The following CTNND2 variants were observed in gnomAD, a reference collection of about 807,000 sequenced individuals.
CTNND2 encodes the protein catenin delta 2.
CTNND2 carries 22 observed loss-of-function variants against 144.4 expected under a neutral mutation model. The ratio of observed to expected loss-of-function variants is 0.15; its 90% CI spans 0.11 to 0.22. The LOEUF (loss-of-function observed/expected upper bound fraction) is 0.22, where lower values mean the gene tolerates loss of function less well. Among genes scored for constraint, CTNND2 ranks in the 10% least tolerant of loss-of-function variants. CTNND2 has a pLI of 1.00. For missense variants in CTNND2, 1,353 were observed against 1,618.8 expected, an observed-to-expected ratio of 0.84 and a Z score of 2.82; for synonymous variants, 751 against 695.6, an observed-to-expected ratio of 1.08 and a Z score of -1.25.
intron 15 of CTNND2, among the ~76,000 whole-genome samples, chr5:11,095,439 T>C (rs1222783380): frequency 3.9e-5 from 6 of 152,368 alleles, no homozygotes; most frequent in South Asian, 2.1e-4. Context: ...TGGAACATAA[T>C]ATGTGCTACC....
intron 16 of CTNND2, among the ~76,000 whole-genome samples, chr5:11,060,520 T>G (rs1355099223): frequency 6.6e-6 from 1 of 151,664 alleles, no homozygotes; most frequent in East Asian, 1.9e-4. Flanking sequence ...AACACGAGAG[T>G]CTAGACTCGT....
intron 2 of CTNND2, among the ~76,000 whole-genome samples, chr5:11,589,360 C>G (rs1389103391): frequency 6.6e-6 from 1 of 151,822 alleles, no homozygotes; most frequent in Non-Finnish European, 1.5e-5. Context: ...TTATCAAACT[C>G]AAAATAGACT....
At chr5:11,352,661 A>T (rs1755445394) in intron 8 of CTNND2, among the ~76,000 whole-genome samples, 1 of 152,216 alleles carries the variant, frequency 6.6e-6, no homozygotes, top group African/African-American at 2.4e-5. Flanking sequence ...AACCAATAGC[A>T]TTGTAATGAG....
intron 3 of CTNND2, among the ~76,000 whole-genome samples, chr5:11,446,060 C>T (rs1764772852): frequency 6.6e-6 from 1 of 152,194 alleles, no homozygotes; most frequent in Admixed American, 6.5e-5. Flanking sequence ...CAGCCTTCGC[C>T]TCCAGGGTTC....
intron 2 of CTNND2, among the ~76,000 whole-genome samples, chr5:11,670,755 G>T (rs952286242): frequency 1.3e-5 from 2 of 152,002 alleles, no homozygotes; most frequent in Non-Finnish European, 2.9e-5. Flanking sequence ...CTTTAAATTG[G>T]GGGCATTTAT....
chr5:11,263,636 G>A (rs745482454), intron 9 of CTNND2, among the ~76,000 whole-genome samples: 2 of 152,152 alleles, frequency 1.3e-5, no homozygotes, highest in East Asian at 1.9e-4. Context: ...ATCAGTGGTG[G>A]CACCATGAAC....
intron 2 of CTNND2, among the ~76,000 whole-genome samples, chr5:11,694,409 C>T (rs1319592232): frequency 2.0e-5 from 3 of 150,198 alleles, no homozygotes; most frequent in African/African-American, 4.9e-5. Flanking sequence ...CACCTCCAGC[C>T]TGGGTGACAG....
chr5:11,307,304 AGTGTGTGTGTGTGTGTGT>A (rs3033112), intron 9 of CTNND2, among the ~76,000 whole-genome samples: 5 of 146,428 alleles, frequency 3.4e-5, no homozygotes, highest in Non-Finnish European at 7.5e-5. Flanking sequence ...AAGGTAGAGT[AGTGTGTGTGTGTGTGTGT>A]GTGTGTGTGT....
intron 2 of CTNND2, among the ~76,000 whole-genome samples, chr5:11,625,174 G>T (rs1781089057): frequency 6.6e-6 from 1 of 151,994 alleles, no homozygotes; most frequent in African/African-American, 2.4e-5. Context: ...TTTGTTTCTT[G>T]CTTCTAATCT....
chr5:11,143,271 A>T lies in CTNND2; in HGVS notation c.2159+16305T>A, dbSNP rs191631828. Reference sequence around the variant, plus strand: ...TCCCCTACCCTTCCTATACACTTGCACCCCTGTACTAGTTTGCTAGAGCTG... The same window carrying T: ...TCCCCTACCCTTCCTATACACTTGCTCCCCTGTACTAGTTTGCTAGAGCTG... On this transcript the variant is annotated intron_variant, in intron 12 of 21. Coordinates refer to ENST00000304623, the MANE Select transcript of CTNND2 (RefSeq NM_001332.4). Among the ~76,000 whole-genome samples, 400 of 152,122 alleles carry T rather than the reference A, an allele frequency of 2.6e-3. 6 individuals carry two copies. Among genetic ancestry groups the T allele is most frequent in the Middle Eastern group, 6.8e-3 (2 of 294 alleles).
At chr5:11,894,325 C>A (rs1737227089) in intron 1 of CTNND2, among the ~76,000 whole-genome samples, 1 of 152,062 alleles carries the variant, frequency 6.6e-6, no homozygotes, top group Non-Finnish European at 1.5e-5. Context: ...ATACAAGAAA[C>A]TTTTTGGGCC....
intron 10 of CTNND2, among the ~76,000 whole-genome samples, chr5:11,207,430 T>G (rs1266898069): frequency 6.6e-6 from 1 of 152,062 alleles, no homozygotes; most frequent in Non-Finnish European, 1.5e-5. Context: ...GTTATTTAAC[T>G]TTATTATATC....
chr5:11,543,634 GTT>G (rs10556638), intron 3 of CTNND2, among the ~76,000 whole-genome samples: 62,758 of 148,924 alleles, frequency 0.42, 13,479 homozygotes, highest in African/African-American at 0.5. Flanking sequence ...CAGTAACGCT[GTT>G]TTTTTTTTTT....
chr5:11,089,580 T>G (rs944403914), intron 15 of CTNND2, among the ~76,000 whole-genome samples: 1 of 152,210 alleles, frequency 6.6e-6, no homozygotes, highest in Non-Finnish European at 1.5e-5. Flanking sequence ...TCAGGTTGAT[T>G]TACAGCATCA....
chr5:11,103,565 G>A (rs542431980), intron 14 of CTNND2, among the ~76,000 whole-genome samples: 1 of 152,152 alleles, frequency 6.6e-6, no homozygotes, highest in Non-Finnish European at 1.5e-5. Flanking sequence ...AGCTACTCAG[G>A]AGACTGAGGC....
chr5:11,244,554 C>A (rs915101042), intron 9 of CTNND2, among the ~76,000 whole-genome samples: 1 of 152,046 alleles, frequency 6.6e-6, no homozygotes, highest in Non-Finnish European at 1.5e-5. Context: ...CAAAGTGCTG[C>A]GATTACAGGC....
intron 3 of CTNND2, among the ~76,000 whole-genome samples, chr5:11,429,666 G>A (rs992772007): frequency 2.6e-5 from 4 of 152,160 alleles, no homozygotes; most frequent in South Asian, 4.1e-4. Context: ...ACAAGCCATC[G>A]ATACATTGCT....
chr5:11,749,448 C>T (rs1300398787), intron 1 of CTNND2, among the ~76,000 whole-genome samples: 1 of 151,908 alleles, frequency 6.6e-6, no homozygotes, highest in Non-Finnish European at 1.5e-5. Context: ...AGAAAATATG[C>T]CAGGCCAGAG....
intron 11 of CTNND2, among the ~76,000 whole-genome samples, chr5:11,181,435 C>T (rs1195423609): frequency 6.6e-6 from 1 of 152,114 alleles, no homozygotes; most frequent in African/African-American, 2.4e-5. Flanking sequence ...ATGGCGACAA[C>T]CAGCAGAGCA....
Sources: allele counts gnomAD v4.1 joint callset (sites outside exome capture counted in the v4.1 genomes callset), GRCh38; gene constraint gnomAD v4.1.1; transcripts MANE v1.5; gene names NCBI Gene and HGNC (gene_info 2026-07-23, HGNC 2026-07-21).